Variants in SYTL3 observed in about 807,000 individuals in gnomAD.
SYTL3 encodes synaptotagmin-like protein 3.
SYTL3 carries 88 observed loss-of-function variants against 82.1 expected under a neutral mutation model. The observed-to-expected ratio is 1.07, with a 90% confidence interval of 0.90 to 1.28. The LOEUF (loss-of-function observed/expected upper bound fraction) is 1.28. SYTL3 is among the 50% of genes most tolerant of loss of function. The probability of loss-of-function intolerance (pLI) is 0.00; values close to 1 mark genes in which losing one functional copy is unlikely to be tolerated. For synonymous variants in SYTL3, 311 were observed against 289.4 expected (o/e 1.07, Z -0.76); for missense variants, 831 against 757.6 (o/e 1.10, Z -1.14).
chr6:158,735,423 TA>T (rs1287164099), intron 11 of SYTL3, among the ~76,000 whole-genome samples: 1 of 152,218 alleles, frequency 6.6e-6, no homozygotes, highest in Non-Finnish European at 1.5e-5. Context: ...CCCATTTTTC[TA>T]AAGTTTTCTC....
At position 158,744,304 on chromosome 6, in the gene SYTL3, C is replaced by CTTTT. The variant is rs869182913; in HGVS notation, c.856-1159_856-1156dup. On this transcript the variant is annotated intron_variant, in intron 11 of 17. Coordinates refer to ENST00000611299, the MANE Select transcript of SYTL3 (RefSeq NM_001242394.2). ...GCTTGTTTTTTTTTTCTTTTTCTTTCTTTTTTTTTTTTTTTTTTTTGAGAC... is the reference window on the plus strand; with the variant it reads ...GCTTGTTTTTTTTTTCTTTTTCTTTCTTTTTTTTTTTTTTTTTTTTTTTTGAGAC... Among the ~76,000 whole-genome samples the CTTTT allele has an allele frequency of 2.4e-3, 234 of 99,204 alleles. 1 individual carries two copies. The highest frequency in any genetic ancestry group is 3.1e-3 in the Non-Finnish European group (165 of 53,148). The allele number at this position is 99,204 out of a possible 152,430, so 65.1% of individuals were successfully genotyped here.
rs1167978441 is a variant in SYTL3 at position 158,749,390 on chromosome 6, G to GAA, written c.1035-2519_1035-2518dup. Among the ~76,000 whole-genome samples the GAA allele has an allele frequency of 3.6e-3, 187 of 52,024 alleles. 2 individuals carry two copies. Among genetic ancestry groups the GAA allele is most frequent in the African/African-American group, 6.9e-3 (104 of 15,156 alleles). 34.1% of individuals were successfully genotyped at this position (52,024 alleles called of 152,430 possible). A position where few individuals can be genotyped will look rare whatever the true frequency, so the allele number is the denominator to read the frequency against. On this transcript the variant is annotated intron_variant, in intron 12 of 17. Transcript: ENST00000611299. ...TGGGCAACCAAGTGAGACTCTGTCT[G>GAA]AAAAAAAAAAAAAAAAAAAAGAAAG... is the stretch of plus-strand genomic sequence containing the variant.
chr6:158,701,929 A>G (rs767747191), intron 6 of SYTL3, among the ~76,000 whole-genome samples: 16 of 151,768 alleles, frequency 1.1e-4, no homozygotes, highest in Non-Finnish European at 2.1e-4. Flanking sequence ...CTGTCTCCAC[A>G]TTGTCTCCCC....
Position 158,745,469 on chromosome 6 carries a change from C to G in SYTL3, c.856-11C>G. ...GAAGTAACTTATTATATCTGTTATTCTTGATTTCAGGGAAGTTTAATTAGC... is the reference window on the plus strand; with the variant it reads ...GAAGTAACTTATTATATCTGTTATTGTTGATTTCAGGGAAGTTTAATTAGC... On this transcript the variant is annotated splice_polypyrimidine_tract_variant and intron_variant, in intron 11 of 17. Transcript: ENST00000611299. The G allele has an allele frequency of 6.2e-7, 1 of 1,603,932 alleles. No homozygotes were observed. The highest frequency in any genetic ancestry group is 8.5e-7 in the Non-Finnish European group (1 of 1,176,938).
chr6:158,751,788 G>A, intron 12 of SYTL3, 140 bp from the exon 13 acceptor site: 1 of 610,774 alleles, frequency 1.6e-6, no homozygotes, highest in Non-Finnish European at 2.8e-6. Context: ...AGGCTATTAA[G>A]TCCTTTCTAT....
In SYTL3 at chr6:158,701,240, G is replaced by C. The variant is rs1293827475; in HGVS notation, c.395-5990G>C. 4.6e-3 allele frequency among the ~76,000 whole-genome samples: 104 copies of C among 22,380 alleles called. 28 individuals are homozygous for C. Among genetic ancestry groups the C allele is most frequent in the African/African-American group, 0.018 (33 of 1,822 alleles). The allele number at this position is 22,380 out of a possible 152,430, so 14.7% of individuals were successfully genotyped here. A position where few individuals can be genotyped will look rare whatever the true frequency, so the allele number is the denominator to read the frequency against. ...TAGATGAAGGAGTGTGAGCTGGGGTGTAGATGAAGGAGTGTGAGCTGGGGT... is the reference window on the plus strand; with the variant it reads ...TAGATGAAGGAGTGTGAGCTGGGGTCTAGATGAAGGAGTGTGAGCTGGGGT... On this transcript the variant is annotated intron_variant, in intron 6 of 17. Transcript: ENST00000611299.
At chr6:158,758,598 G>T (rs1378703561) in intron 14 of SYTL3, among the ~76,000 whole-genome samples, 2 of 152,124 alleles carry the variant, frequency 1.3e-5, no homozygotes, top group African/African-American at 4.8e-5. Flanking sequence ...TCTCTGCCTG[G>T]AAGCTTCTCA....
At chr6:158,716,753 G>GA (rs1783474108) in intron 9 of SYTL3, among the ~76,000 whole-genome samples, 1 of 152,140 alleles carries the variant, frequency 6.6e-6, no homozygotes, top group African/African-American at 2.4e-5. Flanking sequence ...ACATCCCAAG[G>GA]AGGTGGATCC....
intron 6 of SYTL3, among the ~76,000 whole-genome samples, chr6:158,700,651 C>T (rs1250059998): frequency 1.3e-5 from 2 of 152,130 alleles, no homozygotes; most frequent in African/African-American, 2.4e-5. Context: ...GAGTCTTGCT[C>T]TGTCGCCCAG....
rs181941507 is a variant in SYTL3, at chr6:158,740,126, A to C, written c.856-5354A>C. ...ATTCTCCTGCCTCATTCTCCTGAGTAGCTGGGATTATAGGTGTGCACCATC... is the reference window on the plus strand; with the variant it reads ...ATTCTCCTGCCTCATTCTCCTGAGTCGCTGGGATTATAGGTGTGCACCATC... On this transcript the variant is annotated intron_variant, in intron 11 of 17. Coordinates refer to ENST00000611299, the MANE Select transcript of SYTL3 (RefSeq NM_001242394.2). 7.6e-3 allele frequency among the ~76,000 whole-genome samples: 1,143 copies of C among 149,988 alleles called. 9 individuals are homozygous for C. Among genetic ancestry groups the C allele is most frequent in the Non-Finnish European group, 0.012 (837 of 67,730 alleles).
chr6:158,723,767 A>G (rs937218646), intron 10 of SYTL3, among the ~76,000 whole-genome samples: 1 of 152,128 alleles, frequency 6.6e-6, no homozygotes, highest in Non-Finnish European at 1.5e-5. Context: ...CCTCTGGCAC[A>G]CCTTCATTCT....
chr6:158,723,084 C>G (rs1784313653), intron 10 of SYTL3, among the ~76,000 whole-genome samples: 1 of 141,378 alleles, frequency 7.1e-6, no homozygotes, highest in Admixed American at 7.1e-5. Context: ...TTTTTAACAG[C>G]TACTCTTTTT....
intron 5 of SYTL3, among the ~76,000 whole-genome samples, chr6:158,681,739 C>T (rs1778721429): frequency 6.6e-6 from 1 of 152,166 alleles, no homozygotes; most frequent in Non-Finnish European, 1.5e-5. Flanking sequence ...CACATTGATC[C>T]CATATTCCAT....
chr6:158,763,586 C>A, intron 17 of SYTL3, 77 bp downstream of exon 17: 1 of 1,317,172 alleles, frequency 7.6e-7, no homozygotes, highest in Non-Finnish European at 1.1e-6. Flanking sequence ...AAAATGCTTC[C>A]ACCAGGGCAG....
chr6:158,702,099 A>G (rs2128443334), intron 6 of SYTL3, among the ~76,000 whole-genome samples: 1 of 151,918 alleles, frequency 6.6e-6, no homozygotes, highest in Admixed American at 6.5e-5. Context: ...CAGCCTCCTG[A>G]GTAGCTGGAT....
At chr6:158,715,667 AGAG>A (rs1446047045) in intron 9 of SYTL3, among the ~76,000 whole-genome samples, 7 of 7,274 alleles carry the variant, frequency 9.6e-4, no homozygotes, top group Non-Finnish European at 1.4e-3. Context: ...CCCCCTGCCC[AGAG>A]GCAGAGATAG....
At chr6:158,711,342 G>C (rs1292342470) in intron 8 of SYTL3, among the ~76,000 whole-genome samples, 5 of 152,058 alleles carry the variant, frequency 3.3e-5, no homozygotes, top group African/African-American at 9.7e-5. Flanking sequence ...TCTGTATTAG[G>C]GTTCTCCAGA....
intron 11 of SYTL3, among the ~76,000 whole-genome samples, chr6:158,741,294 C>G (rs2128505803): frequency 6.6e-6 from 1 of 152,322 alleles, no homozygotes; most frequent in South Asian, 2.1e-4. Flanking sequence ...GTCTCGAACT[C>G]CTGACCTCAG....
At chr6:158,720,892 G>A (rs1784029610) in intron 10 of SYTL3, among the ~76,000 whole-genome samples, 1 of 152,200 alleles carries the variant, frequency 6.6e-6, no homozygotes, top group Admixed American at 6.5e-5. Context: ...GTGATGTGCT[G>A]TGTGGTGGCT....
Sources: gnomAD v4.1 joint callset for allele counts (sites outside exome capture counted in the v4.1 genomes callset) on GRCh38, gnomAD v4.1.1 for gene constraint, MANE v1.5 for transcripts, NCBI Gene and HGNC (gene_info 2026-07-23, HGNC 2026-07-21) for gene names.